Variants in PPIL3 observed in about 807,000 individuals in gnomAD.
The protein encoded by PPIL3 is peptidylprolyl isomerase like 3, also known as peptidyl-prolyl cis-trans isomerase-like 3.
PPIL3 carries 13 observed loss-of-function variants against 20.9 expected under a neutral mutation model. That is an observed-to-expected ratio of 0.62 (90% CI 0.40 to 0.99). PPIL3 has a LOEUF of 0.99. Among genes scored for constraint, PPIL3 ranks in the 50% least tolerant of loss-of-function variants. The pLI, the probability that PPIL3 is intolerant of heterozygous loss-of-function variation, is 0.00. For missense variants in PPIL3, 170 were observed against 195.2 expected, an observed-to-expected ratio of 0.87 and a Z score of 0.77; for synonymous variants, 71 against 64.4, an observed-to-expected ratio of 1.10 and a Z score of -0.49.
At chr2:200,873,743 A>T (rs983547620) in intron 6 of PPIL3, among the ~76,000 whole-genome samples, 8 of 151,670 alleles carry the variant, frequency 5.3e-5, no homozygotes, top group African/African-American at 1.9e-4. Flanking sequence ...TAGGATTACA[A>T]GCGTGAGTCA....
chr2:200,879,196 G>C (rs1447923684), intron 5 of PPIL3, among the ~76,000 whole-genome samples: 1 of 151,882 alleles, frequency 6.6e-6, no homozygotes, highest in East Asian at 1.9e-4. Flanking sequence ...TCGGCTCACT[G>C]CAAGCACTGC....
intron 3 of PPIL3, among the ~76,000 whole-genome samples, chr2:200,882,667 T>G (rs550910572): frequency 6.6e-6 from 1 of 152,164 alleles, no homozygotes; most frequent in African/African-American, 2.4e-5. Flanking sequence ...CCCAGCACTT[T>G]GGGAGGCCGA....
At chr2:200,877,094 G>C in intron 5 of PPIL3, 57 bp from the exon 6 acceptor site, 1 of 1,141,086 alleles carries the variant, frequency 8.8e-7, no homozygotes, top group East Asian at 2.4e-5. Context: ...CCCAAATATA[G>C]TATTGAAACA....
intron 6 of PPIL3, among the ~76,000 whole-genome samples, chr2:200,874,868 T>C (rs944471832): frequency 2.0e-5 from 3 of 152,166 alleles, no homozygotes; most frequent in Non-Finnish European, 2.9e-5. Flanking sequence ...GCTGGGACCA[T>C]AGGTGTGAGC....
At chr2:200,885,105 T>A in intron 3 of PPIL3, 1 of 145,906 alleles carries the variant, frequency 6.9e-6, no homozygotes, top group Non-Finnish European at 1.4e-5. Flanking sequence ...GTGCAGTGGC[T>A]CATGCTTGTA....
chr2:200,881,645 C>T, intron 4 of PPIL3, 157 bp from the exon 5 acceptor site: 1 of 597,548 alleles, frequency 1.7e-6, no homozygotes, highest in Non-Finnish European at 2.9e-6. Context: ...CTTCACAGAC[C>T]TGAAGATTAA....
At chr2:200,884,815 A>T (rs2039870077) in intron 3 of PPIL3, 1 of 152,036 alleles carries the variant, frequency 6.6e-6, no homozygotes, top group Non-Finnish European at 1.5e-5. Flanking sequence ...TATAATCCCA[A>T]CACTTTGGGA....
intron 6 of PPIL3, among the ~76,000 whole-genome samples, chr2:200,872,417 T>C (rs2039339555): frequency 6.6e-6 from 1 of 152,030 alleles, no homozygotes; most frequent in Non-Finnish European, 1.5e-5. Flanking sequence ...GCACATTAGG[T>C]AGGCACGATT....
chr2:200,884,080 T>C (rs2039837915), intron 3 of PPIL3, among the ~76,000 whole-genome samples: 1 of 152,178 alleles, frequency 6.6e-6, no homozygotes, highest in Non-Finnish European at 1.5e-5. Context: ...AATGAATATA[T>C]ACAGGTGACT....
At chr2:200,872,038 G>C (rs2039322704) in intron 6 of PPIL3, among the ~76,000 whole-genome samples, 1 of 152,086 alleles carries the variant, frequency 6.6e-6, no homozygotes, top group South Asian at 2.1e-4. Flanking sequence ...TAACTACAAG[G>C]AGTGAACAGA....
chr2:200,884,339 T>A (rs763549858), intron 3 of PPIL3, among the ~76,000 whole-genome samples: 1 of 151,230 alleles, frequency 6.6e-6, no homozygotes, highest in African/African-American at 2.4e-5. Context: ...GTGGCGGAGG[T>A]TGCAGTGACC....
chr2:200,872,234 C>T (rs556129082), intron 6 of PPIL3, among the ~76,000 whole-genome samples: 1 of 152,084 alleles, frequency 6.6e-6, no homozygotes, highest in African/African-American at 2.4e-5. Context: ...TTACTATGGG[C>T]TATTATAAAG....
upstream of PPIL3, chr2:200,889,114 C>T: frequency 2.2e-6 from 1 of 463,218 alleles, no homozygotes; most frequent in Non-Finnish European, 4.5e-6. Context: ...ACCGCCTCAC[C>T]TCCTTCCTCC....
chr2:200,887,745 A>G, intron 1 of PPIL3, 60 bp from the exon 2 acceptor site: 1 of 683,124 alleles, frequency 1.5e-6, no homozygotes, highest in Non-Finnish European at 2.4e-6. Flanking sequence ...ACACACGCTC[A>G]TCTTTACTGA....
intron 6 of PPIL3, among the ~76,000 whole-genome samples, chr2:200,875,447 T>C (rs1164543291): frequency 6.6e-6 from 1 of 152,138 alleles, no homozygotes; most frequent in Non-Finnish European, 1.5e-5. Flanking sequence ...TTTGTATTTT[T>C]AGTAGAGATG....
In PPIL3 at chr2:200,880,684, T is replaced by C. The variant is rs567796031; in HGVS notation, c.240+737A>G. Among the ~76,000 whole-genome samples the C allele has an allele frequency of 2.0e-5, 3 of 152,292 alleles. No individual in the cohort carries two copies. In the East Asian group the frequency reaches 5.8e-4, roughly 29 times the overall value. On this transcript the variant is annotated intron_variant, in intron 5 of 6. Transcript: ENST00000392283. The stretch of plus-strand genomic sequence containing the variant: ...TACTGTACCCGGCCCTGGTTGAGGA[T>C]ACTTCATTGCTCTTTTTCTAATCAT...
chr2:200,871,697 A>G (rs910077393), intron 6 of PPIL3, among the ~76,000 whole-genome samples, 176 bp from the exon 7 acceptor site: 2 of 152,236 alleles, frequency 1.3e-5, no homozygotes, highest in Non-Finnish European at 2.9e-5. Flanking sequence ...CAAAATTCAG[A>G]AATAATTTAC....
intron 6 of PPIL3, among the ~76,000 whole-genome samples, chr2:200,874,549 TA>T (rs1395485037): frequency 6.6e-6 from 1 of 152,192 alleles, no homozygotes; most frequent in East Asian, 1.9e-4. Context: ...AACAAGGAAT[TA>T]ATGAACCTAA....
intron 3 of PPIL3, among the ~76,000 whole-genome samples, chr2:200,883,362 T>G (rs966246484): frequency 6.6e-6 from 1 of 152,084 alleles, no homozygotes; most frequent in East Asian, 1.9e-4. Context: ...TGCATTTAAT[T>G]TAAGTATTAG....
Sources: gnomAD v4.1 joint callset for allele counts (sites outside exome capture counted in the v4.1 genomes callset) on GRCh38, gnomAD v4.1.1 for gene constraint, MANE v1.5 for transcripts, NCBI Gene and HGNC (gene_info 2026-07-23, HGNC 2026-07-21) for gene names.